Variants in FBXO16 observed in about 807,000 individuals in gnomAD.
The protein encoded by FBXO16 is F-box protein 16, also known as F-box only protein 16.
A neutral mutation model predicts 41.0 loss-of-function variants in FBXO16; 31 were observed. That is an observed-to-expected ratio of 0.76 (90% CI 0.57 to 1.02). The LOEUF (loss-of-function observed/expected upper bound fraction) is 1.02, where lower values mean the gene tolerates loss of function less well. FBXO16 is among the 50% of genes least tolerant of loss of function. FBXO16 has a pLI of 0.00. For synonymous variants in FBXO16, 133 were observed against 117.8 expected, an observed-to-expected ratio of 1.13 and a Z score of -0.84; for missense variants, 361 against 346.2, an observed-to-expected ratio of 1.04 and a Z score of -0.34.
chr8:28,476,825 G>C (rs10105536), intron 2 of FBXO16, among the ~76,000 whole-genome samples: 113,610 of 152,078 alleles, frequency 0.75, 43,430 homozygotes, highest in African/African-American at 0.92. Flanking sequence ...GAACCATACC[G>C]TAAAAGAAAT....
intron 3 of FBXO16, among the ~76,000 whole-genome samples, chr8:28,471,812 A>C: frequency 7.6e-6 from 1 of 131,948 alleles, no homozygotes; most frequent in Non-Finnish European, 1.6e-5. Flanking sequence ...TCTCAAAAAA[A>C]AAAAAAAAAA....
At chr8:28,445,069 G>A (rs191116951) in intron 7 of FBXO16, among the ~76,000 whole-genome samples, 154 of 152,040 alleles carry the variant, frequency 1.0e-3, no homozygotes, top group Non-Finnish European at 1.7e-3. Context: ...GCTCATCACC[G>A]GCATGAGTCA....
At chr8:28,474,316 CAAAAAAAAAAAAAAAAAAAAAAA>C in intron 2 of FBXO16, among the ~76,000 whole-genome samples, 99 of 56,658 alleles carry the variant, frequency 1.7e-3, no homozygotes, top group Non-Finnish European at 2.6e-3. Context: ...CAGACCCTGT[CAAAAAAAAAAAAAAAAAAAAAAA>C]AAAAAAAAAA....
chr8:28,430,369 C>T (rs960111673), intron 7 of FBXO16, among the ~76,000 whole-genome samples: 7 of 152,156 alleles, frequency 4.6e-5, no homozygotes, highest in African/African-American at 1.2e-4. Context: ...CCACTGTGCC[C>T]GGCCAAAGCT....
chr8:28,479,659 T>G (rs1803480370), intron 2 of FBXO16, among the ~76,000 whole-genome samples: 2 of 152,162 alleles, frequency 1.3e-5, no homozygotes, highest in African/African-American at 4.8e-5. Flanking sequence ...GTGGGAGAGC[T>G]TCGAGCATTG....
intron 3 of FBXO16, among the ~76,000 whole-genome samples, chr8:28,464,808 C>T (rs777345138): frequency 6.6e-6 from 1 of 152,064 alleles, no homozygotes; most frequent in African/African-American, 2.4e-5. Flanking sequence ...CACGCGCCAC[C>T]GCACCTGGCT....
chr8:28,478,924 C>T (rs1321838663), intron 2 of FBXO16, among the ~76,000 whole-genome samples: 1 of 151,940 alleles, frequency 6.6e-6, no homozygotes, highest in Non-Finnish European at 1.5e-5. Context: ...TAGCACCATC[C>T]TCCTAGTGCT....
intron 4 of FBXO16, among the ~76,000 whole-genome samples, chr8:28,459,511 G>A (rs927215790): frequency 1.1e-4 from 17 of 151,642 alleles, no homozygotes; most frequent in African/African-American, 3.9e-4. Flanking sequence ...CCAGCTACTC[G>A]GGAGGCTGAG....
At chr8:28,474,334 A>G (rs1462429185) in intron 2 of FBXO16, among the ~76,000 whole-genome samples, 2 of 131,432 alleles carry the variant, frequency 1.5e-5, no homozygotes, top group African/African-American at 6.1e-5. Flanking sequence ...AAAAAAAAAA[A>G]AAAAAAAAAA....
At chr8:28,446,540 C>A (rs1802867146) in intron 7 of FBXO16, among the ~76,000 whole-genome samples, 1 of 151,750 alleles carries the variant, frequency 6.6e-6, no homozygotes, top group Non-Finnish European at 1.5e-5. Context: ...TCCCCCTGCC[C>A]CAAAGGACTC....
At chr8:28,476,246 A>G (rs1382791925) in intron 2 of FBXO16, among the ~76,000 whole-genome samples, 1 of 152,186 alleles carries the variant, frequency 6.6e-6, no homozygotes, top group African/African-American at 2.4e-5. Context: ...CGCAGGTTAA[A>G]ACACGAGACA....
intron 2 of FBXO16, among the ~76,000 whole-genome samples, chr8:28,481,395 A>T (rs1373845480): frequency 1.1e-4 from 16 of 152,030 alleles, no homozygotes; most frequent in Non-Finnish European, 1.9e-4. Flanking sequence ...TGAATGAGAG[A>T]TTGGGAGGAG....
At chr8:28,488,462 A>ATT (rs144491663) in intron 1 of FBXO16, among the ~76,000 whole-genome samples, 9 of 146,242 alleles carry the variant, frequency 6.2e-5, no homozygotes, top group East Asian at 4.0e-4. Flanking sequence ...CACCTGGCTA[A>ATT]TTTTTTTTTT....
chr8:28,488,293 C>CTT lies in FBXO16; in HGVS notation c.-17+1891_-17+1892dup, dbSNP rs10708340. ...ATACTTCCAATTTGATCTTCTAAGC[C>CTT]TTTTTTTTTTTTTTTTTTTTTTTGA... On this transcript the variant is annotated intron_variant, in intron 1 of 8. Transcript: ENST00000380254. 4.7e-3 allele frequency among the ~76,000 whole-genome samples: 448 copies of CTT among 96,226 alleles called. 9 individuals carry two copies. Among genetic ancestry groups the CTT allele is most frequent in the African/African-American group, 9.0e-3 (225 of 25,044 alleles). The allele number at this position is 96,226 out of a possible 152,430, so 63.1% of individuals were successfully genotyped here.
At chr8:28,469,144 A>T (rs1193235888) in intron 3 of FBXO16, among the ~76,000 whole-genome samples, 14 of 151,762 alleles carry the variant, frequency 9.2e-5, no homozygotes, top group Non-Finnish European at 4.4e-5. Context: ...CCCCATCTCT[A>T]CTAAAAAAAA....
chr8:28,457,021 G>A (rs571837581), intron 4 of FBXO16, 91 bp from the exon 5 acceptor site: 27 of 1,414,604 alleles, frequency 1.9e-5, no homozygotes, highest in Admixed American at 1.2e-4. Context: ...CTGTCATCCT[G>A]GACCTGAGAA....
At chr8:28,475,862 T>C (rs777156986) in intron 2 of FBXO16, among the ~76,000 whole-genome samples, 1 of 152,196 alleles carries the variant, frequency 6.6e-6, no homozygotes, top group Non-Finnish European at 1.5e-5. Flanking sequence ...AAATGAATCC[T>C]AAAGGTCTTT....
intron 7 of FBXO16, among the ~76,000 whole-genome samples, chr8:28,435,419 C>T (rs1802673547): frequency 6.6e-6 from 1 of 152,016 alleles, no homozygotes; most frequent in Non-Finnish European, 1.5e-5. Context: ...GGTGATCTGC[C>T]CACCTCGGCC....
At chr8:28,473,092 G>A (rs559822867) in intron 3 of FBXO16, among the ~76,000 whole-genome samples, 5 of 152,256 alleles carry the variant, frequency 3.3e-5, no homozygotes, top group African/African-American at 9.6e-5. Flanking sequence ...GAAAGCTGAT[G>A]GTAGCTAATT....
Sources: allele counts gnomAD v4.1 joint callset (sites outside exome capture counted in the v4.1 genomes callset), GRCh38; gene constraint gnomAD v4.1.1; transcripts MANE v1.5; gene names NCBI Gene and HGNC (gene_info 2026-07-23, HGNC 2026-07-21).